PTPRN2: variants seen among roughly 807,000 people sequenced by gnomAD.
The protein encoded by PTPRN2 is receptor-type tyrosine-protein phosphatase N2.
A neutral mutation model predicts 118.8 loss-of-function variants in PTPRN2; 74 were observed. That is an observed-to-expected ratio of 0.62 (90% CI 0.52 to 0.76). The LOEUF is 0.76. Ranked by LOEUF, PTPRN2 falls within the 30% of genes least tolerant of loss-of-function variation. The pLI is 0.00. For synonymous variants in PTPRN2, 641 were observed against 608.0 expected (o/e 1.05, Z -0.80); for missense variants, 1,481 against 1,394.4 (o/e 1.06, Z -0.99).
At chr7:157,930,975 C>T (rs1258948116) in intron 11 of PTPRN2, among the ~76,000 whole-genome samples, 1 of 152,158 alleles carries the variant, frequency 6.6e-6, no homozygotes, top group African/African-American at 2.4e-5. Context: ...AAGGGCAGCC[C>T]TCTCCCCTGT....
At position 157,940,511 on chromosome 7, in the gene PTPRN2, C is replaced by T. The variant is rs558660632; in HGVS notation, c.1724-41774G>A. ...GCAAATCTAACACCCTCCCCCTTGA[C>T]ACTGCAAATCTCATACCCTCCCCTG... On this transcript the variant is annotated intron_variant, in intron 11 of 22. Transcript: ENST00000389418. Among the ~76,000 whole-genome samples the T allele has an allele frequency of 3.4e-5, 5 of 148,952 alleles. No individual in the cohort carries two copies. In the East Asian group the frequency reaches 8.0e-4, roughly 24 times the overall value.
At chr7:157,580,037 G>T (rs973613765) in intron 17 of PTPRN2, among the ~76,000 whole-genome samples, 2 of 152,216 alleles carry the variant, frequency 1.3e-5, no homozygotes, top group Non-Finnish European at 1.5e-5. Context: ...TATGAATGCA[G>T]AATCAGTAAA....
chr7:157,770,580 G>A (rs1802741771), intron 12 of PTPRN2, among the ~76,000 whole-genome samples: 2 of 152,192 alleles, frequency 1.3e-5, no homozygotes, highest in African/African-American at 4.8e-5. Context: ...CTCCTTTGGG[G>A]AGAAATCTTT....
chr7:158,194,411 C>G (rs1042324759), intron 4 of PTPRN2, among the ~76,000 whole-genome samples: 1 of 152,242 alleles, frequency 6.6e-6, no homozygotes, highest in African/African-American at 2.4e-5. Context: ...CTGCTGCCCA[C>G]AGACAAGGGC....
chr7:158,300,249 A>G (rs549470376), intron 3 of PTPRN2, among the ~76,000 whole-genome samples: 138 of 152,302 alleles, frequency 9.1e-4, no homozygotes, highest in African/African-American at 3.1e-3. Context: ...GCATTTCCCA[A>G]TGGTGACAGT....
Position 157,747,599 on chromosome 7 carries a change from G to A in PTPRN2, c.1789-64662C>T, listed in dbSNP as rs554624995. 1.2e-3 allele frequency among the ~76,000 whole-genome samples: 134 copies of A among 114,554 alleles called. 2 individuals carry two copies. The highest frequency in any genetic ancestry group is 1.9e-3 in the Non-Finnish European group (108 of 56,174). 75.2% of individuals were successfully genotyped at this position (114,554 alleles called of 152,430 possible). A position where few individuals can be genotyped will look rare whatever the true frequency, so the allele number is the denominator to read the frequency against. On this transcript the variant is annotated intron_variant, in intron 12 of 22. Transcript: ENST00000389418. Reference sequence around the variant, plus strand: ...TGCGTCTCTGAGCTGTGGGGTGTCCGGGTGATTCTGAGGCCTGCGTCTCTG... The same window carrying A: ...TGCGTCTCTGAGCTGTGGGGTGTCCAGGTGATTCTGAGGCCTGCGTCTCTG...
intron 11 of PTPRN2, among the ~76,000 whole-genome samples, chr7:157,901,242 C>A (rs1310903383): frequency 6.6e-6 from 1 of 152,218 alleles, no homozygotes; most frequent in Non-Finnish European, 1.5e-5. Context: ...CCCGCCCCAT[C>A]TGTCCCTCCC....
At chr7:158,089,766 GA>G (rs1330702332) in intron 10 of PTPRN2, among the ~76,000 whole-genome samples, 2 of 126,622 alleles carry the variant, frequency 1.6e-5, no homozygotes, top group Admixed American at 7.9e-5. Flanking sequence ...TTCCCCTGAT[GA>G]AAAGGGGAAT....
intron 11 of PTPRN2, among the ~76,000 whole-genome samples, chr7:158,071,667 G>C (rs1416815366): frequency 5.4e-5 from 7 of 129,472 alleles, no homozygotes; most frequent in African/African-American, 8.0e-5. Context: ...GGTGCTCGTG[G>C]TGGTGGAGGT....
intron 18 of PTPRN2, among the ~76,000 whole-genome samples, chr7:157,576,986 G>T (rs1032531316): frequency 6.6e-6 from 1 of 152,240 alleles, no homozygotes; most frequent in East Asian, 1.9e-4. Context: ...CTCCGTGCGG[G>T]TGTGTGTGCT....
chr7:158,464,818 CA>C, intron 2 of PTPRN2, among the ~76,000 whole-genome samples: 1 of 150,818 alleles, frequency 6.6e-6, no homozygotes, highest in East Asian at 2.0e-4. Flanking sequence ...ATTTAGTAAA[CA>C]ATCACTTCAT....
intron 2 of PTPRN2, among the ~76,000 whole-genome samples, chr7:158,473,397 T>C (rs1005640114): frequency 4.6e-5 from 7 of 152,192 alleles, no homozygotes; most frequent in Admixed American, 1.3e-4. Context: ...TTCGGGAGGC[T>C]ACATCCACGC....
In PTPRN2 at chr7:157,674,581, A is replaced by G. The variant is rs1292816433; in HGVS notation, c.2001+8144T>C. Among the ~76,000 whole-genome samples the G allele has an allele frequency of 1.3e-5, 2 of 152,028 alleles. No homozygotes were observed. Among genetic ancestry groups the G allele is most frequent in the Non-Finnish European group, 2.9e-5 (2 of 67,998 alleles). ...GTTGTGTTAAGAGCTGGGCTTTGCC[A>G]TTTTTGACAGGCTAATGCATTTCAC... is the stretch of plus-strand genomic sequence containing the variant. On this transcript the variant is annotated intron_variant, in intron 13 of 22. Transcript: ENST00000389418. This position sits in a 1 kb window ranked among gnomAD's most constrained non-coding sequence, Gnocchi z 4.5.
chr7:157,882,677 A>C (rs1358635946), intron 12 of PTPRN2, among the ~76,000 whole-genome samples: 4 of 148,782 alleles, frequency 2.7e-5, no homozygotes, highest in Non-Finnish European at 5.9e-5. Context: ...AGAACACACC[A>C]CCCCAAAAAT....
At chr7:158,114,493 T>C (rs183245485) in intron 9 of PTPRN2, among the ~76,000 whole-genome samples, 134 of 152,298 alleles carry the variant, frequency 8.8e-4, no homozygotes, top group Middle Eastern at 3.4e-3. Context: ...GGGAGGGATG[T>C]GGAAGACGTG....
intron 1 of PTPRN2, among the ~76,000 whole-genome samples, chr7:158,495,296 A>T (rs1450776661): frequency 6.6e-6 from 1 of 152,178 alleles, no homozygotes; most frequent in African/African-American, 2.4e-5. Flanking sequence ...CATCATAGAA[A>T]AGGAAGGTGC....
intron 13 of PTPRN2, among the ~76,000 whole-genome samples, chr7:157,672,628 G>A (rs949841194): frequency 1.3e-5 from 2 of 152,146 alleles, no homozygotes; most frequent in African/African-American, 2.4e-5. Flanking sequence ...TGAAAGCGAC[G>A]AAACGCCTAC....
intron 11 of PTPRN2, among the ~76,000 whole-genome samples, chr7:157,991,929 C>T (rs2128846146): frequency 6.6e-6 from 1 of 152,264 alleles, no homozygotes; most frequent in East Asian, 1.9e-4. Flanking sequence ...AGCCCGTGCC[C>T]CTCGCAGGCC....
At chr7:158,477,130 G>A (rs1206197055) in intron 2 of PTPRN2, among the ~76,000 whole-genome samples, 3 of 152,310 alleles carry the variant, frequency 2.0e-5, no homozygotes, top group Admixed American at 1.3e-4. Context: ...ATGCGGTCTC[G>A]TGTCTCACAG....
Sources: gnomAD v4.1 joint callset for allele counts (sites outside exome capture counted in the v4.1 genomes callset) on GRCh38, gnomAD v4.1.1 for gene constraint, Gnocchi (gnomAD v3.1) non-coding constraint, MANE v1.5 for transcripts, NCBI Gene and HGNC (gene_info 2026-07-23, HGNC 2026-07-21) for gene names.